The following CYP20A1 variants were observed in gnomAD, a reference collection of about 807,000 sequenced individuals.
The protein encoded by CYP20A1 is cytochrome P450 20A1.
CYP20A1 carries 61 observed loss-of-function variants against 61.4 expected under a neutral mutation model. That is an observed-to-expected ratio of 0.99 (90% CI 0.81 to 1.23). CYP20A1 has a LOEUF of 1.23. CYP20A1 is among the 50% of genes most tolerant of loss of function. CYP20A1 has a pLI of 0.00. For missense variants in CYP20A1, 530 were observed against 542.4 expected (o/e 0.98, Z 0.23); for synonymous variants, 193 against 188.2 (o/e 1.03, Z -0.21).
intron 1 of CYP20A1, among the ~76,000 whole-genome samples, chr2:203,239,453 C>T (rs774226720): frequency 7.2e-5 from 11 of 152,228 alleles, no homozygotes; most frequent in Non-Finnish European, 1.5e-4. Context: ...CAAGGCGGCT[C>T]TCAAGTACTT....
chr2:203,259,404 C>G (rs1457206918), intron 4 of CYP20A1, among the ~76,000 whole-genome samples: 1 of 152,074 alleles, frequency 6.6e-6, no homozygotes, highest in East Asian at 1.9e-4. Context: ...TGGCTTGGTG[C>G]TATCCTCACG....
chr2:203,278,822 T>G, intron 7 of CYP20A1, 134 bp downstream of exon 7: 1 of 546,560 alleles, frequency 1.8e-6, no homozygotes. Flanking sequence ...CAAGGCCAAC[T>G]TGGGCAATAT....
At chr2:203,261,950 G>C (rs2067154612) in intron 4 of CYP20A1, among the ~76,000 whole-genome samples, 5 of 152,106 alleles carry the variant, frequency 3.3e-5, no homozygotes, top group Admixed American at 3.3e-4. Context: ...AGGAGGTGCT[G>C]CAGGGTTGGA....
At chr2:203,296,133 A>G (rs1386814192) in intron 11 of CYP20A1, among the ~76,000 whole-genome samples, 1 of 152,068 alleles carries the variant, frequency 6.6e-6, no homozygotes, top group African/African-American at 2.4e-5. Flanking sequence ...GCCTGGTGGC[A>G]TGTGCTTATA....
In CYP20A1 at chr2:203,239,135, G is replaced by T. The variant is rs1298144368; in HGVS notation, c.72+1G>T. On this transcript the variant is annotated splice_donor_variant, in intron 1 of 12. Transcript: ENST00000356079. LOFTEE classifies it high-confidence loss of function. ...GGGAGCCGTGCTCTACCTCTATCCG[G>T]TGAGCGCCGTCTTGGCTCTCTGGGG... 2 of 1,612,648 alleles carry T rather than the reference G, an allele frequency of 1.2e-6. No homozygotes were observed. The highest frequency in any genetic ancestry group is 2.7e-5 in the African/African-American group (2 of 74,912).
chr2:203,295,963 AAG>A (rs1371783182), intron 11 of CYP20A1, among the ~76,000 whole-genome samples: 1 of 151,920 alleles, frequency 6.6e-6, no homozygotes, highest in East Asian at 1.9e-4. Context: ...AAGAAAAAAA[AAG>A]AGAAATAATA....
intron 5 of CYP20A1, among the ~76,000 whole-genome samples, chr2:203,269,946 A>G (rs1394985759): frequency 2.0e-5 from 3 of 152,028 alleles, no homozygotes; most frequent in Admixed American, 2.0e-4. Flanking sequence ...TTCTTTTATT[A>G]CTTGTGAGGT....
At chr2:203,240,613 A>G (rs1021994677) in intron 1 of CYP20A1, among the ~76,000 whole-genome samples, 18 of 152,338 alleles carry the variant, frequency 1.2e-4, no homozygotes, top group African/African-American at 4.3e-4. Context: ...AAACGCGAAG[A>G]AGGTGAAGGT....
At chr2:203,266,465 A>G (rs370855717) in intron 4 of CYP20A1, 49 bp from the exon 5 acceptor site, 1 of 1,535,386 alleles carries the variant, frequency 6.5e-7, no homozygotes, top group Admixed American at 1.7e-5. Context: ...ATTTTCTGAG[A>G]TTTAGAAAGA....
intron 4 of CYP20A1, among the ~76,000 whole-genome samples, chr2:203,252,896 C>T (rs1466036542): frequency 6.6e-6 from 1 of 152,120 alleles, no homozygotes. Flanking sequence ...CTTCCCCACT[C>T]CTAGTTCCTA....
intron 8 of CYP20A1, among the ~76,000 whole-genome samples, chr2:203,281,278 G>A (rs1179483968): frequency 6.6e-6 from 1 of 152,092 alleles, no homozygotes; most frequent in Non-Finnish European, 1.5e-5. Context: ...AGGCCGAGGT[G>A]GATGAATCAC....
rs201999453 is a variant in CYP20A1, at chr2:203,299,428, T to TA, written c.*2531dup. Among the ~76,000 whole-genome samples the TA allele has an allele frequency of 5.2e-4, 77 of 147,920 alleles. 1 individual carries two copies. Among genetic ancestry groups the TA allele is most frequent in the African/African-American group, 1.1e-3 (44 of 40,578 alleles). On this transcript the variant is annotated 3_prime_UTR_variant, in exon 13 of 13. Transcript: ENST00000356079. ...AGTGATAAAGTGAGACCCTATCTCTTAAAAAAAAAAATCCCTTTGTTGTTG... is the reference window on the plus strand; with the variant it reads ...AGTGATAAAGTGAGACCCTATCTCTTAAAAAAAAAAAATCCCTTTGTTGTTG...
chr2:203,275,499 G>A (rs572295276), intron 6 of CYP20A1, among the ~76,000 whole-genome samples: 2 of 151,784 alleles, frequency 1.3e-5, no homozygotes, highest in Non-Finnish European at 2.9e-5. Context: ...GATTGCAGTG[G>A]CTCAATCTCA....
intron 11 of CYP20A1, among the ~76,000 whole-genome samples, chr2:203,293,651 C>T (rs182878357): frequency 5.0e-4 from 76 of 151,642 alleles, no homozygotes; most frequent in African/African-American, 1.7e-3. Context: ...TTGGTGCAAC[C>T]GTCACCCAAG....
Position 203,272,661 on chromosome 2 carries a change from T to G in CYP20A1, c.601-9T>G, listed in dbSNP as rs757999329. The stretch of plus-strand genomic sequence containing the variant: ...TAGATAATAGTTATGTATATTTACC[T>G]ATTTTCAGGTTTGGTCTGAGATTGG... On this transcript the variant is annotated splice_polypyrimidine_tract_variant and intron_variant, in intron 5 of 12. Coordinates refer to ENST00000356079, the MANE Select transcript of CYP20A1 (RefSeq NM_177538.3). 6.3e-7 allele frequency: 1 copy of G among 1,582,272 alleles called. No individual in the cohort carries two copies. The highest frequency in any genetic ancestry group is 8.6e-7 in the Non-Finnish European group (1 of 1,161,720).
chr2:203,273,422 G>A (rs1047362285), intron 6 of CYP20A1, among the ~76,000 whole-genome samples: 6 of 152,164 alleles, frequency 3.9e-5, no homozygotes, highest in Admixed American at 3.9e-4. Flanking sequence ...TACTGTTTCT[G>A]CAAGTAGAAA....
chr2:203,247,007 T>C, intron 3 of CYP20A1, 86 bp downstream of exon 3: 1 of 1,340,172 alleles, frequency 7.5e-7, no homozygotes, highest in Admixed American at 2.1e-5. Context: ...ACACCTGTAA[T>C]CCCAACACTT....
chr2:203,253,775 A>C (rs1190358656), intron 4 of CYP20A1, among the ~76,000 whole-genome samples: 2 of 152,074 alleles, frequency 1.3e-5, no homozygotes, highest in African/African-American at 4.8e-5. Context: ...AAGGAGTAAC[A>C]GTAAAAAAAT....
intron 1 of CYP20A1, among the ~76,000 whole-genome samples, chr2:203,243,452 G>A (rs530141641): frequency 4.6e-5 from 7 of 151,646 alleles, no homozygotes; most frequent in Non-Finnish European, 7.4e-5. Flanking sequence ...GTGTAGTGAC[G>A]TGATCTCGGC....
Sources: gnomAD v4.1 joint callset for allele counts (sites outside exome capture counted in the v4.1 genomes callset) on GRCh38, gnomAD v4.1.1 for gene constraint, MANE v1.5 for transcripts, NCBI Gene and HGNC (gene_info 2026-07-23, HGNC 2026-07-21) for gene names.